EPHA6: variants seen among roughly 807,000 people sequenced by gnomAD.
EPHA6 encodes EPH receptor A6, also known as ephrin type-A receptor 6.
Under a neutral mutation model 112.0 loss-of-function variants are expected in EPHA6, and 50 were observed. That is an observed-to-expected ratio of 0.45 (90% CI 0.36 to 0.56). The LOEUF (loss-of-function observed/expected upper bound fraction) is 0.56, where lower values mean the gene tolerates loss of function less well. EPHA6 is among the 20% of genes least tolerant of loss of function. The pLI is 0.00. For synonymous variants in EPHA6, 529 were observed against 490.7 expected (o/e 1.08, Z -1.03); for missense variants, 1,280 against 1,417.4 (o/e 0.90, Z 1.56).
chr3:97,681,069 G>A (rs1334954939), intron 14 of EPHA6, among the ~76,000 whole-genome samples: 2 of 152,018 alleles, frequency 1.3e-5, no homozygotes, highest in African/African-American at 2.4e-5. Context: ...TAGTCAAATA[G>A]TGAAAAATAG....
intron 5 of EPHA6, among the ~76,000 whole-genome samples, chr3:97,249,558 T>C (rs2079075367): frequency 6.6e-6 from 1 of 152,178 alleles, no homozygotes; most frequent in African/African-American, 2.4e-5. Flanking sequence ...GGTCAGCAAC[T>C]CTGCTCCCAG....
At chr3:97,010,747 C>T (rs1467412337) in intron 3 of EPHA6, among the ~76,000 whole-genome samples, 1 of 152,244 alleles carries the variant, frequency 6.6e-6, no homozygotes, top group African/African-American at 2.4e-5. Flanking sequence ...CAACCTCCAC[C>T]TCCCGGGTTC....
intron 3 of EPHA6, among the ~76,000 whole-genome samples, chr3:97,026,415 G>A (rs1475670891): frequency 6.6e-6 from 1 of 152,074 alleles, no homozygotes; most frequent in African/African-American, 2.4e-5. Context: ...GAATGTTTGT[G>A]TCATCTCTTA....
At chr3:96,862,292 T>C (rs1370175300) in intron 1 of EPHA6, among the ~76,000 whole-genome samples, 1 of 151,924 alleles carries the variant, frequency 6.6e-6, no homozygotes, top group Non-Finnish European at 1.5e-5. Flanking sequence ...CATAGAACCA[T>C]CATAAACCTC....
At chr3:97,186,070 G>T (rs1274817254) in intron 3 of EPHA6, among the ~76,000 whole-genome samples, 1 of 131,358 alleles carries the variant, frequency 7.6e-6, no homozygotes, top group Non-Finnish European at 1.6e-5. Context: ...TGTGGGGTCG[G>T]GGGAGGGGGG....
chr3:97,488,338 G>C (rs190990455), intron 10 of EPHA6, among the ~76,000 whole-genome samples: 5 of 152,084 alleles, frequency 3.3e-5, no homozygotes, highest in Admixed American at 6.5e-5. Flanking sequence ...GTTATCTGCA[G>C]GTAAAAGAAT....
At chr3:97,546,947 A>T (rs1165463706) in intron 11 of EPHA6, among the ~76,000 whole-genome samples, 1 of 152,094 alleles carries the variant, frequency 6.6e-6, no homozygotes, top group African/African-American at 2.4e-5. Context: ...TGCATTGGTT[A>T]TTCTAGTTAT....
intron 5 of EPHA6, among the ~76,000 whole-genome samples, chr3:97,270,357 AT>A (rs1353650840): frequency 6.6e-6 from 1 of 152,096 alleles, no homozygotes; most frequent in East Asian, 1.9e-4. Context: ...TGCTTTCATC[AT>A]TTTTTCCCTT....
At chr3:97,147,627 T>G (rs770914465) in intron 3 of EPHA6, among the ~76,000 whole-genome samples, 1 of 152,120 alleles carries the variant, frequency 6.6e-6, no homozygotes, top group African/African-American at 2.4e-5. Flanking sequence ...ATTGAGTGAT[T>G]AGTGGTGCAA....
rs1236153684 is a variant in EPHA6 at position 97,595,033 on chromosome 3, TATATA to T, written c.2512+2300_2512+2304del. ...AAAAGAGATACGTGACTATGTCTTA[TATATA>T]ATAGTTTGTGCTTCACGTCACACTG... On this transcript the variant is annotated intron_variant, in intron 12 of 17. Transcript: ENST00000389672. Among the ~76,000 whole-genome samples the T allele has an allele frequency of 1.2e-4, 18 of 152,230 alleles. 1 individual carries two copies. Among genetic ancestry groups the T allele is most frequent in the African/African-American group, 4.3e-4 (18 of 41,466 alleles).
intron 3 of EPHA6, among the ~76,000 whole-genome samples, chr3:97,084,701 A>G (rs2108210204): frequency 6.6e-6 from 1 of 152,206 alleles, no homozygotes; most frequent in East Asian, 1.9e-4. Flanking sequence ...TGAGGAGGTG[A>G]AGGATTTCTG....
chr3:97,600,321 G>A (rs1274129571), intron 12 of EPHA6, among the ~76,000 whole-genome samples: 1 of 150,292 alleles, frequency 6.7e-6, no homozygotes, highest in Admixed American at 6.6e-5. Flanking sequence ...GGAGTGGTGA[G>A]AGAGGGCATC....
At chr3:97,007,898 A>G (rs1313989635) in intron 3 of EPHA6, among the ~76,000 whole-genome samples, 1 of 152,138 alleles carries the variant, frequency 6.6e-6, no homozygotes, top group Non-Finnish European at 1.5e-5. Flanking sequence ...CCTCGTTGAA[A>G]ATTCTTTTCT....
intron 5 of EPHA6, among the ~76,000 whole-genome samples, chr3:97,331,329 A>G (rs943618474): frequency 6.6e-6 from 1 of 152,156 alleles, no homozygotes; most frequent in Non-Finnish European, 1.5e-5. Context: ...TAACATCACA[A>G]TTAAAAGAAC....
intron 13 of EPHA6, among the ~76,000 whole-genome samples, chr3:97,635,810 AT>A (rs1166716798): frequency 6.6e-6 from 1 of 152,132 alleles, no homozygotes; most frequent in Non-Finnish European, 1.5e-5. Context: ...CACAAATTAT[AT>A]TTCAATAAAA....
chr3:97,184,146 T>C (rs1265953418), intron 3 of EPHA6, among the ~76,000 whole-genome samples: 1 of 152,132 alleles, frequency 6.6e-6, no homozygotes, highest in African/African-American at 2.4e-5. Flanking sequence ...TTCTTGAGAA[T>C]AAGAGAATTA....
intron 15 of EPHA6, among the ~76,000 whole-genome samples, chr3:97,725,842 G>A (rs1217716778): frequency 6.6e-6 from 1 of 151,986 alleles, no homozygotes; most frequent in Non-Finnish European, 1.5e-5. Flanking sequence ...CCCCAGTTAA[G>A]AGCCACCGCT....
chr3:97,612,554 C>A, intron 13 of EPHA6: 1 of 219,720 alleles, frequency 4.6e-6, no homozygotes, highest in Non-Finnish European at 9.6e-6. Context: ...TTTAAAGAAA[C>A]AATAATATGT....
intron 3 of EPHA6, among the ~76,000 whole-genome samples, chr3:97,011,472 C>T (rs2044082745): frequency 6.6e-6 from 1 of 152,122 alleles, no homozygotes; most frequent in Non-Finnish European, 1.5e-5. Context: ...TATCAAGAAA[C>T]AAACAAGGGA....
Sources: gnomAD v4.1 joint callset for allele counts (sites outside exome capture counted in the v4.1 genomes callset) on GRCh38, gnomAD v4.1.1 for gene constraint, MANE v1.5 for transcripts, NCBI Gene and HGNC (gene_info 2026-07-23, HGNC 2026-07-21) for gene names.